The following NSMAF variants were observed in gnomAD, a reference collection of about 807,000 sequenced individuals.
NSMAF encodes protein FAN.
In NSMAF, 90 loss-of-function variants were observed where a neutral mutation model predicts 134.9. That is an observed-to-expected ratio of 0.67 (90% confidence interval 0.56 to 0.79). NSMAF has a LOEUF of 0.79. NSMAF is among the 30% of genes least tolerant of loss of function. The pLI is 0.00. For missense variants in NSMAF, 1,010 were observed against 1,119.0 expected (o/e 0.90, Z 1.39); for synonymous variants, 358 against 389.6 (o/e 0.92, Z 0.96).
Position 58,623,698 on chromosome 8 carries a change from C to A in NSMAF, c.456+11G>T, listed in dbSNP as rs1184084683. ...AGTTTGCTTTGAATTTTCTACCCAG[C>A]AAGTGCTTACCTGAAGCAACGTCTC... is the stretch of plus-strand genomic sequence containing the variant. On this transcript the variant is annotated intron_variant, in intron 7 of 30. Coordinates refer to ENST00000038176, the MANE Select transcript of NSMAF (RefSeq NM_003580.4). 1.9e-6 allele frequency: 3 copies of A among 1,610,968 alleles called. No individual in the cohort carries two copies. The highest frequency in any genetic ancestry group is 8.5e-7 in the Non-Finnish European group (1 of 1,177,774).
intron 8 of NSMAF, 26 bp from the exon 9 acceptor site, chr8:58,623,298 GTATT>G (rs778472307): frequency 3.5e-5 from 41 of 1,172,610 alleles, no homozygotes; most frequent in Non-Finnish European, 3.6e-6. Context: ...CAGAAAAAAA[GTATT>G]TATAAGTATT....
rs778417997 is a variant in NSMAF, at chr8:58,597,841, C to T, written c.1628+19G>A. On this transcript the variant is annotated intron_variant, in intron 20 of 30. Transcript: ENST00000038176. ...TATCTTATAACTCAAGTAGAAACTC[C>T]TTATTGACATATAAGTACCTGTTCA... 3 of 1,537,590 alleles carry T rather than the reference C, an allele frequency of 2.0e-6. No individual in the cohort carries two copies. The highest frequency in any genetic ancestry group is 1.7e-4 in the Middle Eastern group (1 of 5,860).
At chr8:58,632,651 C>T (rs1807080512) in intron 5 of NSMAF, among the ~76,000 whole-genome samples, 1 of 152,226 alleles carries the variant, frequency 6.6e-6, no homozygotes, top group Non-Finnish European at 1.5e-5. Context: ...TCTCAGTCCC[C>T]AGGAAATCTT....
At chr8:58,657,116 A>G (rs1227480384) in intron 1 of NSMAF, among the ~76,000 whole-genome samples, 1 of 152,162 alleles carries the variant, frequency 6.6e-6, no homozygotes, top group Non-Finnish European at 1.5e-5. Context: ...AAACATCTAG[A>G]ATCCATCCAC....
In NSMAF at chr8:58,591,835, T is replaced by G. The variant is rs1424456391; in HGVS notation, c.1952-901A>C. Among the ~76,000 whole-genome samples the G allele has an allele frequency of 2.0e-5, 3 of 152,166 alleles. 1 individual carries two copies. The stretch of plus-strand genomic sequence containing the variant: ...AGACTCACAAATTACAAGGCTCTAA[T>G]GTGCTTCAGACATCCTATATTTGAG... On this transcript the variant is annotated intron_variant, in intron 23 of 30. Coordinates refer to ENST00000038176, the MANE Select transcript of NSMAF (RefSeq NM_003580.4).
At chr8:58,589,326 G>T in intron 26 of NSMAF, 126 bp downstream of exon 26, 1 of 575,254 alleles carries the variant, frequency 1.7e-6, no homozygotes, top group Non-Finnish European at 2.6e-6. Context: ...AGAGTGGAGT[G>T]ACTGAACACA....
chr8:58,656,281 C>T (rs140503497), intron 1 of NSMAF, among the ~76,000 whole-genome samples: 45 of 152,196 alleles, frequency 3.0e-4, no homozygotes, highest in African/African-American at 9.9e-4. Context: ...GGATTACAGG[C>T]GTGAGCCCTG....
At chr8:58,631,124 G>C (rs1444512380) in intron 6 of NSMAF, among the ~76,000 whole-genome samples, 1 of 152,122 alleles carries the variant, frequency 6.6e-6, no homozygotes, top group Non-Finnish European at 1.5e-5. Flanking sequence ...TCAAATAAGA[G>C]TATGTTATAA....
chr8:58,584,237 C>A (rs757496743), intron 30 of NSMAF, 37 bp from the exon 31 acceptor site: 14 of 1,443,616 alleles, frequency 9.7e-6, no homozygotes, highest in Middle Eastern at 1.7e-4. Flanking sequence ...AGGAAGTTGA[C>A]CAGGAGGCAC....
Position 58,590,947 on chromosome 8 carries a change from T to A in NSMAF, c.1952-13A>T. 1 of 1,566,968 alleles carries A rather than the reference T, an allele frequency of 6.4e-7. No individual in the cohort carries two copies. Among genetic ancestry groups the A allele is most frequent in the African/African-American group, 1.3e-5 (1 of 74,124 alleles). On this transcript the variant is annotated splice_polypyrimidine_tract_variant and intron_variant, in intron 23 of 30. Transcript: ENST00000038176. ...TTCAAGGTGGAATCTAATTTAATAA[T>A]GAGAAGTAGATATATAAGAAAGATT...
At chr8:58,626,995 TTGTA>T (rs1314528519) in intron 6 of NSMAF, among the ~76,000 whole-genome samples, 1 of 152,222 alleles carries the variant, frequency 6.6e-6, no homozygotes. Context: ...TGCTAGTTGT[TTGTA>T]TGTCTTCTTT....
At chr8:58,590,125 C>T in intron 24 of NSMAF, 51 bp from the exon 25 acceptor site, 1 of 1,476,120 alleles carries the variant, frequency 6.8e-7, no homozygotes, top group Non-Finnish European at 9.5e-7. Context: ...TAGTAAGTCT[C>T]TAACACAGTA....
chr8:58,588,834 A>G (rs1313158619), intron 26 of NSMAF: 4 of 770,598 alleles, frequency 5.2e-6, no homozygotes, highest in Non-Finnish European at 9.2e-6. Flanking sequence ...AATATTTCTG[A>G]TCATGGCAGA....
chr8:58,597,887 G>T lies in NSMAF; in HGVS notation c.1601C>A (p.Thr534Asn), dbSNP rs751724275. 5.6e-6 allele frequency: 9 copies of T among 1,605,880 alleles called. No homozygotes were observed. The highest frequency in any genetic ancestry group is 7.7e-6 in the Non-Finnish European group (9 of 1,172,754). The part of the protein sequence containing the change: ...VGAHNVFHPL[T>N]YEGGVDLNSI... Reference sequence around the variant, plus strand: ...GTTCAAGTCTACACCTCCTTCATAGGTCAGGGGATGAAATACTGAAAAAGA... The same window carrying T: ...GTTCAAGTCTACACCTCCTTCATAGTTCAGGGGATGAAATACTGAAAAAGA... The change falls in exon 20 of 31, where the codon ACC (threonine) becomes AAC (asparagine). Residue 534 changes from threonine to asparagine, a missense_variant. Thr to Asn is a moderately conservative substitution (Grantham distance 65). Coordinates refer to ENST00000038176, the MANE Select transcript of NSMAF (RefSeq NM_003580.4).
intron 23 of NSMAF, among the ~76,000 whole-genome samples, chr8:58,593,531 T>C (rs1350419363): frequency 6.6e-6 from 1 of 152,236 alleles, no homozygotes; most frequent in Non-Finnish European, 1.5e-5. Context: ...TGTTTTCTCA[T>C]GGAAGCAGGA....
At chr8:58,643,556 G>T (rs1807380894) in intron 1 of NSMAF, among the ~76,000 whole-genome samples, 1 of 149,772 alleles carries the variant, frequency 6.7e-6, no homozygotes, top group African/African-American at 2.5e-5. Flanking sequence ...TTTTGGGACG[G>T]AGTTTCACTC....
chr8:58,640,744 T>C (rs1159520936), intron 2 of NSMAF, among the ~76,000 whole-genome samples: 1 of 152,144 alleles, frequency 6.6e-6, no homozygotes, highest in Non-Finnish European at 1.5e-5. Flanking sequence ...TTGTAATAAA[T>C]AGAAACAGAG....
intron 5 of NSMAF, among the ~76,000 whole-genome samples, chr8:58,634,089 A>G (rs574727857): frequency 6.6e-6 from 1 of 152,328 alleles, no homozygotes; most frequent in East Asian, 1.9e-4. Flanking sequence ...CACGATAGAC[A>G]TGAGAGTATG....
chr8:58,624,307 A>G (rs954116676), intron 6 of NSMAF, among the ~76,000 whole-genome samples: 2 of 152,010 alleles, frequency 1.3e-5, no homozygotes, highest in Non-Finnish European at 2.9e-5. Context: ...TCGGCCTCCC[A>G]CAGTGCTGGG....
Sources: allele counts gnomAD v4.1 joint callset (sites outside exome capture counted in the v4.1 genomes callset), GRCh38; gene constraint gnomAD v4.1.1; transcripts MANE v1.5; gene names NCBI Gene and HGNC (gene_info 2026-07-23, HGNC 2026-07-21).